The following RAP1GDS1 variants were observed in gnomAD, a reference collection of about 807,000 sequenced individuals.
RAP1GDS1 encodes the protein RAP1, GTP-GDP dissociation stimulator 1.
A neutral mutation model predicts 71.1 loss-of-function variants in RAP1GDS1; 35 were observed. The observed-to-expected ratio is 0.49, with a 90% CI of 0.38 to 0.65. The LOEUF (loss-of-function observed/expected upper bound fraction) is 0.65. RAP1GDS1 is among the 30% of genes least tolerant of loss of function. RAP1GDS1 has a pLI of 0.00. For missense variants in RAP1GDS1, 663 were observed against 706.1 expected (o/e 0.94, Z 0.69); for synonymous variants, 229 against 243.1 (o/e 0.94, Z 0.54).
intron 1 of RAP1GDS1, among the ~76,000 whole-genome samples, chr4:98,276,631 C>A (rs1298106672): frequency 6.6e-6 from 1 of 151,888 alleles, no homozygotes; most frequent in East Asian, 1.9e-4. Flanking sequence ...ATACATTTCT[C>A]TGCTATAACA....
intron 2 of RAP1GDS1, among the ~76,000 whole-genome samples, chr4:98,320,730 C>CT (rs1731715904): frequency 6.6e-6 from 1 of 151,464 alleles, no homozygotes; most frequent in Non-Finnish European, 1.5e-5. Context: ...AGAAGGAAAA[C>CT]TAACAAACAG....
intron 2 of RAP1GDS1, among the ~76,000 whole-genome samples, chr4:98,326,698 C>A (rs73834431): frequency 5.6e-4 from 85 of 152,212 alleles, no homozygotes; most frequent in African/African-American, 2.0e-3. Flanking sequence ...AACCCTTCTC[C>A]TTTGGGGAAG....
intron 11 of RAP1GDS1, among the ~76,000 whole-genome samples, chr4:98,420,714 T>G (rs749275353): frequency 3.9e-5 from 6 of 152,198 alleles, no homozygotes; most frequent in Non-Finnish European, 7.3e-5. Context: ...TTAGTACTTA[T>G]AGTCCTGGTT....
chr4:98,301,272 G>A (rs1317393324), intron 2 of RAP1GDS1, among the ~76,000 whole-genome samples: 1 of 151,908 alleles, frequency 6.6e-6, no homozygotes, highest in Admixed American at 6.6e-5. Context: ...TAGCACTGGT[G>A]CTCCTTATGA....
At chr4:98,349,404 G>A (rs1430296062) in intron 3 of RAP1GDS1, among the ~76,000 whole-genome samples, 1 of 152,116 alleles carries the variant, frequency 6.6e-6, no homozygotes, top group Non-Finnish European at 1.5e-5. Flanking sequence ...GTAGTGTGAT[G>A]CCTCCAGCTT....
intron 2 of RAP1GDS1, among the ~76,000 whole-genome samples, chr4:98,339,178 A>T (rs187592464): frequency 6.6e-6 from 1 of 152,136 alleles, no homozygotes; most frequent in South Asian, 2.1e-4. Context: ...TGGCAGTGTC[A>T]TAACTAAGCT....
chr4:98,378,989 A>C, intron 4 of RAP1GDS1, 28 bp from the exon 5 acceptor site: 1 of 1,529,742 alleles, frequency 6.5e-7, no homozygotes. Flanking sequence ...TTTTTCTTTT[A>C]TTTTTAATTT....
intron 5 of RAP1GDS1, among the ~76,000 whole-genome samples, chr4:98,383,045 T>G (rs940494887): frequency 6.6e-6 from 1 of 151,672 alleles, no homozygotes; most frequent in Non-Finnish European, 1.5e-5. Context: ...ACCAGTGATC[T>G]AAAGCAAAGC....
chr4:98,343,118 C>T, intron 2 of RAP1GDS1, 21 bp from the exon 3 acceptor site: 1 of 1,588,460 alleles, frequency 6.3e-7, no homozygotes, highest in Non-Finnish European at 8.6e-7. Context: ...CACTGAAGCT[C>T]TTTGTATGTA....
intron 6 of RAP1GDS1, among the ~76,000 whole-genome samples, chr4:98,394,939 T>C (rs749605449): frequency 7.2e-5 from 11 of 152,150 alleles, no homozygotes; most frequent in South Asian, 2.1e-4. Context: ...TCACCACTTA[T>C]TGTATTACAC....
At chr4:98,303,549 A>G (rs1298661799) in intron 2 of RAP1GDS1, among the ~76,000 whole-genome samples, 1 of 150,526 alleles carries the variant, frequency 6.6e-6, no homozygotes, top group Non-Finnish European at 1.5e-5. Flanking sequence ...TAGCTGATCA[A>G]AGTGCTTATA....
chr4:98,350,223 G>A lies in RAP1GDS1; in HGVS notation c.236-2253G>A, dbSNP rs566227833. On this transcript the variant is annotated intron_variant, in intron 3 of 14. Transcript: ENST00000408927. ...CTTCAATGTTGCCATTGCCTGAATA[G>A]CAATAACAAAACAAGCAAAATAATA... Among the ~76,000 whole-genome samples, 8 of 152,254 alleles carry A rather than the reference G, an allele frequency of 5.3e-5. No individual in the cohort carries two copies. In the East Asian group the frequency reaches 1.4e-3, roughly 26 times the overall value.
chr4:98,384,198 T>A (rs1311779847), intron 5 of RAP1GDS1, among the ~76,000 whole-genome samples: 1 of 151,664 alleles, frequency 6.6e-6, no homozygotes, highest in Non-Finnish European at 1.5e-5. Context: ...TTCCTCTATT[T>A]ATGAAGACAT....
chr4:98,282,780 C>T (rs1046949927), intron 1 of RAP1GDS1, among the ~76,000 whole-genome samples: 4 of 152,152 alleles, frequency 2.6e-5, no homozygotes, highest in Non-Finnish European at 5.9e-5. Flanking sequence ...TCCCTCTACA[C>T]ACTGCTTTAA....
chr4:98,379,204 A>G (rs1355439555), intron 5 of RAP1GDS1, 41 bp downstream of exon 5: 2 of 1,509,992 alleles, frequency 1.3e-6, no homozygotes, highest in Non-Finnish European at 8.8e-7. Flanking sequence ...TGGGGGAAAA[A>G]TTAAAAATTA....
chr4:98,269,967 G>T (rs1366561314), intron 1 of RAP1GDS1, among the ~76,000 whole-genome samples: 2 of 152,108 alleles, frequency 1.3e-5, no homozygotes, highest in Non-Finnish European at 2.9e-5. Context: ...ACTGCAGACT[G>T]GGTAATATAT....
intron 7 of RAP1GDS1, among the ~76,000 whole-genome samples, chr4:98,415,737 CTTATG>C (rs978785537): frequency 2.0e-5 from 3 of 151,980 alleles, no homozygotes; most frequent in Non-Finnish European, 2.9e-5. Flanking sequence ...TCTAAAATAC[CTTATG>C]TTATGTTTAG....
intron 2 of RAP1GDS1, among the ~76,000 whole-genome samples, chr4:98,322,821 A>G (rs1053689652): frequency 7.2e-6 from 1 of 138,006 alleles, no homozygotes; most frequent in Non-Finnish European, 1.5e-5. Context: ...GAAAGGAGGA[A>G]AGATCCAAAA....
At chr4:98,416,122 C>A (rs1747948577) in intron 7 of RAP1GDS1, among the ~76,000 whole-genome samples, 1 of 151,942 alleles carries the variant, frequency 6.6e-6, no homozygotes, top group Admixed American at 6.6e-5. Context: ...TAAACATGAG[C>A]ATGATATCTA....
Sources: allele counts gnomAD v4.1 joint callset (sites outside exome capture counted in the v4.1 genomes callset), GRCh38; gene constraint gnomAD v4.1.1; transcripts MANE v1.5; gene names NCBI Gene and HGNC (gene_info 2026-07-23, HGNC 2026-07-21).